Variants in MDGA2 observed in about 807,000 individuals in gnomAD.
MDGA2 encodes MAM domain containing glycosylphosphatidylinositol anchor 2, also known as MAM domain-containing glycosylphosphatidylinositol anchor protein 2.
A neutral mutation model predicts 117.8 loss-of-function variants in MDGA2; 40 were observed. The observed-to-expected ratio is 0.34, with a 90% confidence interval of 0.26 to 0.44. MDGA2 has a LOEUF of 0.44. Among genes scored for constraint, MDGA2 ranks in the 20% least tolerant of loss-of-function variants. MDGA2 has a pLI of 1.00. For synonymous variants in MDGA2, 452 were observed against 439.0 expected, an observed-to-expected ratio of 1.03 and a Z score of -0.37; for missense variants, 1,123 against 1,250.6, an observed-to-expected ratio of 0.90 and a Z score of 1.54.
chr14:47,561,746 A>G (rs1008036842), intron 1 of MDGA2, among the ~76,000 whole-genome samples: 2 of 152,154 alleles, frequency 1.3e-5, no homozygotes. Context: ...TGCACTGTCC[A>G]GGACTTGCAG....
At chr14:47,093,280 T>A (rs41314523) in intron 6 of MDGA2, among the ~76,000 whole-genome samples, 46,935 of 152,016 alleles carry the variant, frequency 0.31, 7,687 homozygotes, top group African/African-American at 0.41. Flanking sequence ...GTTTGTGATT[T>A]TGAATATACT....
At chr14:46,846,062 A>G (rs1305609580) in intron 15 of MDGA2, among the ~76,000 whole-genome samples, 191 bp from the exon 16 acceptor site, 1 of 152,186 alleles carries the variant, frequency 6.6e-6, no homozygotes, top group Non-Finnish European at 1.5e-5. Context: ...TCTTCCTTGC[A>G]TTGTATTAGT....
intron 3 of MDGA2, among the ~76,000 whole-genome samples, chr14:47,215,262 A>T (rs1298278049): frequency 6.6e-6 from 1 of 152,146 alleles, no homozygotes. Context: ...ACTTGCTTAT[A>T]GTTTATATAA....
chr14:47,669,857 GAAAA>G (rs201639946), intron 1 of MDGA2, among the ~76,000 whole-genome samples: 2 of 150,200 alleles, frequency 1.3e-5, no homozygotes, highest in Non-Finnish European at 3.0e-5. Context: ...AACCCAATCT[GAAAA>G]AAAAATCATA....
chr14:47,665,253 C>T (rs970620490), intron 1 of MDGA2, among the ~76,000 whole-genome samples: 1 of 152,188 alleles, frequency 6.6e-6, no homozygotes, highest in Non-Finnish European at 1.5e-5. Flanking sequence ...ATTCCTCTCT[C>T]TTCTTCTAGA....
chr14:46,949,770 G>A (rs73237245), intron 9 of MDGA2, among the ~76,000 whole-genome samples: 5,270 of 151,842 alleles, frequency 0.035, 303 homozygotes, highest in African/African-American at 0.12. Flanking sequence ...ATACTTAGTT[G>A]GATTCCATGA....
chr14:46,995,941 A>C (rs2138455277), intron 8 of MDGA2, among the ~76,000 whole-genome samples: 1 of 152,164 alleles, frequency 6.6e-6, no homozygotes, highest in East Asian at 1.9e-4. Context: ...GTTGAAAAAA[A>C]TGAAGACCGC....
Position 46,841,179 on chromosome 14 carries a change from T to A in MDGA2, c.*752A>T, listed in dbSNP as rs1024326269. On this transcript the variant is annotated 3_prime_UTR_variant, in exon 17 of 17. Transcript: ENST00000399232. ...TTCTTCATTGGAACAGATGACGTAG[T>A]TTGGGTGTTCAAGTGGCCGCAAGCA... is the stretch of plus-strand genomic sequence containing the variant. 10 of 152,516 alleles carry A rather than the reference T, an allele frequency of 6.6e-5. No homozygotes were observed. Among genetic ancestry groups the A allele is most frequent in the African/African-American group, 2.4e-4 (10 of 41,426 alleles). 9.4% of individuals were successfully genotyped at this position (152,516 alleles called of 1,614,324 possible). A position where few individuals can be genotyped will look rare whatever the true frequency, so the allele number is the denominator to read the frequency against.
At position 47,164,132 on chromosome 14, in the gene MDGA2, G is replaced by T. The variant is rs1017251605; in HGVS notation, c.596-19858C>A. Among the ~76,000 whole-genome samples the T allele has an allele frequency of 7.2e-5, 11 of 152,304 alleles. No individual in the cohort carries two copies. The East Asian group carries it at 1.9e-3, about 27-fold the overall frequency. On this transcript the variant is annotated intron_variant, in intron 3 of 16. Coordinates refer to ENST00000399232, the MANE Select transcript of MDGA2 (RefSeq NM_001113498.3). ...TTTAAATCAGCCAATTTTGAAATCTGCTGCTTGTATGGAACAGTTTATTAA... is the reference window on the plus strand; with the variant it reads ...TTTAAATCAGCCAATTTTGAAATCTTCTGCTTGTATGGAACAGTTTATTAA...
intron 5 of MDGA2, among the ~76,000 whole-genome samples, chr14:47,129,739 C>T (rs1345974600): frequency 2.8e-5 from 4 of 143,964 alleles, no homozygotes; most frequent in Non-Finnish European, 6.1e-5. Flanking sequence ...TTCTCCACAT[C>T]CTCTCCAGCA....
intron 1 of MDGA2, among the ~76,000 whole-genome samples, chr14:47,513,043 A>G (rs1484177509): frequency 6.6e-6 from 1 of 152,058 alleles, no homozygotes; most frequent in Non-Finnish European, 1.5e-5. Context: ...CTGTTTCACC[A>G]TTTGCTATTA....
At position 47,132,101 on chromosome 14, in the gene MDGA2, T is replaced by C. The variant is rs531200525; in HGVS notation, c.793-255A>G. On this transcript the variant is annotated intron_variant, in intron 4 of 16. Transcript: ENST00000399232. ...AAAACTAACAGACTACAATGAAAAT[T>C]CATAACATTTTCTTTGCAAACTAGC... Among the ~76,000 whole-genome samples the C allele has an allele frequency of 9.9e-5, 15 of 152,076 alleles. No individual in the cohort carries two copies. The East Asian group carries it at 2.1e-3, about 21-fold the overall frequency.
At chr14:47,610,576 AAACAACAACAAC>A (rs569248521) in intron 1 of MDGA2, among the ~76,000 whole-genome samples, 1 of 151,524 alleles carries the variant, frequency 6.6e-6, no homozygotes, top group Non-Finnish European at 1.5e-5. Context: ...AAAAACAAAC[AAACAACAACAAC>A]AACAACAACA....
At chr14:47,120,346 T>C (rs1881585509) in intron 5 of MDGA2, among the ~76,000 whole-genome samples, 1 of 152,112 alleles carries the variant, frequency 6.6e-6, no homozygotes, top group Non-Finnish European at 1.5e-5. Context: ...CAAAAACCAA[T>C]ACTGCTGACT....
intron 8 of MDGA2, among the ~76,000 whole-genome samples, chr14:46,991,820 C>T (rs1221826061): frequency 6.6e-6 from 1 of 152,000 alleles, no homozygotes; most frequent in African/African-American, 2.4e-5. Flanking sequence ...TATTTTGTGC[C>T]TTCAATACAC....
chr14:47,092,284 C>T (rs1250755245), intron 6 of MDGA2, among the ~76,000 whole-genome samples: 1 of 152,098 alleles, frequency 6.6e-6, no homozygotes, highest in Non-Finnish European at 1.5e-5. Context: ...TTTGAAAATT[C>T]CTCTAATCCT....
At chr14:47,519,834 A>C (rs1368834686) in intron 1 of MDGA2, among the ~76,000 whole-genome samples, 1 of 152,136 alleles carries the variant, frequency 6.6e-6, no homozygotes, top group Admixed American at 6.5e-5. Flanking sequence ...TTTGGAATTA[A>C]GAGATAAACC....
chr14:47,647,717 C>A (rs1897562922), intron 1 of MDGA2, among the ~76,000 whole-genome samples: 1 of 151,978 alleles, frequency 6.6e-6, no homozygotes, highest in South Asian at 2.1e-4. Context: ...ATATTAATAC[C>A]CTTATGTCCA....
intron 2 of MDGA2, among the ~76,000 whole-genome samples, chr14:47,257,090 A>G (rs1887646172): frequency 6.6e-6 from 1 of 152,182 alleles, no homozygotes; most frequent in East Asian, 1.9e-4. Flanking sequence ...GTGAGTAACA[A>G]CACTACTTTG....
Sources: gnomAD v4.1 joint callset for allele counts (sites outside exome capture counted in the v4.1 genomes callset) on GRCh38, gnomAD v4.1.1 for gene constraint, MANE v1.5 for transcripts, NCBI Gene and HGNC (gene_info 2026-07-23, HGNC 2026-07-21) for gene names.